TENT4B: variants seen among roughly 807,000 people sequenced by gnomAD.
TENT4B encodes the protein PAP associated domain containing 5.
In TENT4B, 10 loss-of-function variants were observed where a neutral mutation model predicts 75.0. The observed-to-expected ratio is 0.13, with a 90% confidence interval of 0.08 to 0.23. The LOEUF (loss-of-function observed/expected upper bound fraction) is 0.23, where lower values mean the gene tolerates loss of function less well. TENT4B is among the 10% of genes least tolerant of loss of function. The pLI is 1.00. For missense variants in TENT4B, 579 were observed against 893.8 expected, an observed-to-expected ratio of 0.65 and a Z score of 4.49; for synonymous variants, 350 against 357.7, an observed-to-expected ratio of 0.98 and a Z score of 0.24.
At chr16:50,196,313 C>G (rs1397950801) in intron 1 of TENT4B, among the ~76,000 whole-genome samples, 1 of 151,626 alleles carries the variant, frequency 6.6e-6, no homozygotes, top group African/African-American at 2.4e-5. Context: ...GTTTTGTTTG[C>G]TATTTATTTG....
At chr16:50,193,335 T>TG (rs1038341520) in intron 1 of TENT4B, among the ~76,000 whole-genome samples, 2 of 145,824 alleles carry the variant, frequency 1.4e-5, no homozygotes, top group African/African-American at 5.1e-5. Context: ...CCTGGAGTTT[T>TG]TTTTTTTTTT....
intron 2 of TENT4B, among the ~76,000 whole-genome samples, chr16:50,213,734 AT>A (rs1304455496): frequency 6.6e-6 from 1 of 152,258 alleles, no homozygotes; most frequent in African/African-American, 2.4e-5. Context: ...AACTATAAAA[AT>A]AACAATGTAC....
intron 1 of TENT4B, among the ~76,000 whole-genome samples, chr16:50,204,781 G>A (rs936721812): frequency 1.3e-4 from 20 of 152,170 alleles, no homozygotes; most frequent in African/African-American, 4.1e-4. Context: ...CTTGCAACGC[G>A]TTTGAGTATA....
chr16:50,190,472 A>G (rs8057842), intron 1 of TENT4B, among the ~76,000 whole-genome samples: 101,748 of 151,826 alleles, frequency 0.67, 36,055 homozygotes, highest in Non-Finnish European at 0.77. Context: ...TTCAGTCCTC[A>G]TGGCCCAATA....
intron 5 of TENT4B, among the ~76,000 whole-genome samples, chr16:50,218,613 A>G (rs906671476): frequency 2.0e-5 from 3 of 151,318 alleles, no homozygotes; most frequent in Non-Finnish European, 2.9e-5. Flanking sequence ...CGGCCTCCCA[A>G]AGTGCCCGGA....
At chr16:50,177,740 C>T (rs1254635537) in intron 1 of TENT4B, among the ~76,000 whole-genome samples, 1 of 151,894 alleles carries the variant, frequency 6.6e-6, no homozygotes, top group Non-Finnish European at 1.5e-5. Flanking sequence ...GATTTCTGCT[C>T]TAATTGGTTT....
In TENT4B at chr16:50,229,351, CT is replaced by C. The variant is rs775945684; in HGVS notation, c.*25del. The C allele has an allele frequency of 4.4e-6, 7 of 1,591,910 alleles. No homozygotes were observed. The African/African-American group carries it at 9.5e-5, about 22-fold the overall frequency. ...TAGTCAGCGCTGCGCGGTGGACTGT[CT>C]TCTCTGTGCAATGATCTCATGCTCA... is the stretch of plus-strand genomic sequence containing the variant. On this transcript the variant is annotated 3_prime_UTR_variant, in exon 12 of 12. Transcript: ENST00000561678.
intron 1 of TENT4B, among the ~76,000 whole-genome samples, chr16:50,179,468 A>G (rs143737873): frequency 6.6e-6 from 1 of 152,252 alleles, no homozygotes; most frequent in African/African-American, 2.4e-5. Context: ...GAACACACTA[A>G]TGTTCAGTTA....
At chr16:50,178,142 CTTTTTTTT>C (rs35008488) in intron 1 of TENT4B, among the ~76,000 whole-genome samples, 1 of 115,632 alleles carries the variant, frequency 8.6e-6, no homozygotes, top group Non-Finnish European at 1.7e-5. Flanking sequence ...AGGTGGTCTA[CTTTTTTTT>C]TTTTTTTTTT....
rs925090671 is a variant in TENT4B, at chr16:50,229,995, T to C, written c.*667T>C. On this transcript the variant is annotated 3_prime_UTR_variant, in exon 12 of 12. Coordinates refer to ENST00000561678, the MANE Select transcript of TENT4B (RefSeq NM_001365324.3). ...CATCCATATATAGGGAAGTGATTAG[T>C]TCTATTACTCAATTTGTTTTTCTCA... is the stretch of plus-strand genomic sequence containing the variant. 3.2e-5 allele frequency: 31 copies of C among 974,616 alleles called. No individual in the cohort carries two copies. In the African/African-American group the frequency reaches 5.3e-4, roughly 17 times the overall value. 60.4% of individuals were successfully genotyped at this position (974,616 alleles called of 1,614,324 possible).
At chr16:50,165,687 C>T (rs1400886620) in intron 1 of TENT4B, among the ~76,000 whole-genome samples, 1 of 152,164 alleles carries the variant, frequency 6.6e-6, no homozygotes, top group Non-Finnish European at 1.5e-5. Flanking sequence ...CAGTTTGTGG[C>T]CTTTTGTGCT....
Position 50,153,947 on chromosome 16 carries a change from C to T in TENT4B, c.326C>T (p.Thr109Ile), listed in dbSNP as rs2037832657. ...EQRDFLPLET[T>I]NNNNNHHQPG... is the part of the protein sequence containing the mutation. ...CGGGACTTCCTGCCCCTAGAGACGA[C>T]CAACAACAACAACAACCACCACCAG... The change falls in exon 1 of 12, where the codon ACC (threonine) becomes ATC (isoleucine). Residue 109 changes from threonine (T) to isoleucine (I), a missense_variant. Physicochemically the swap from Thr to Ile is moderately conservative, Grantham distance 89. Transcript: ENST00000561678. 10 of 1,533,500 alleles carry T rather than the reference C, an allele frequency of 6.5e-6. No individual in the cohort carries two copies. The highest frequency in any genetic ancestry group is 8.7e-6 in the Non-Finnish European group (10 of 1,145,970). The allele number at this position is 1,533,500 out of a possible 1,614,324, so 95.0% of individuals were successfully genotyped here. A position where few individuals can be genotyped will look rare whatever the true frequency, so the allele number is the denominator to read the frequency against.
intron 1 of TENT4B, among the ~76,000 whole-genome samples, chr16:50,170,105 G>GCAGT (rs985128718): frequency 2.0e-5 from 3 of 151,490 alleles, no homozygotes; most frequent in Admixed American, 6.6e-5. Flanking sequence ...AGGCTGGAGT[G>GCAGT]CAGTGGTGCA....
At chr16:50,163,784 T>C (rs2038045630) in intron 1 of TENT4B, among the ~76,000 whole-genome samples, 1 of 152,148 alleles carries the variant, frequency 6.6e-6, no homozygotes. Flanking sequence ...TGTTTTTCTT[T>C]TATCAATACG....
intron 1 of TENT4B, among the ~76,000 whole-genome samples, chr16:50,162,262 A>G (rs1487756641): frequency 1.3e-5 from 2 of 152,210 alleles, no homozygotes; most frequent in East Asian, 3.8e-4. Context: ...TAAAGCTGCT[A>G]TAAACATTCA....
rs767520193 is a variant in TENT4B at position 50,216,149 on chromosome 16, A to G, written c.884A>G (p.His295Arg). ...ACTCTGGAAGAAGCTCTTCGGAAAC[A>G]CAAAGTCGCAGATGAGGATTCGGTG... ...LWTLEEALRK[H>R]KVADEDSVKV... The change falls in exon 4 of 12, where the codon CAC (histidine) becomes CGC (arginine). Residue 295 changes from histidine (H) to arginine (R), a missense_variant. This residue lies in a region of TENT4B where 55 missense variants were observed against 77.1 expected (regional missense o/e 0.71). Transcript: ENST00000561678. 6.2e-7 allele frequency: 1 copy of G among 1,614,004 alleles called. No individual in the cohort carries two copies. Among genetic ancestry groups the G allele is most frequent in the South Asian group, 1.1e-5 (1 of 91,086 alleles).
chr16:50,154,881 G>A (rs1339377640), intron 1 of TENT4B, among the ~76,000 whole-genome samples: 2 of 152,154 alleles, frequency 1.3e-5, no homozygotes, highest in African/African-American at 4.8e-5. Flanking sequence ...TGTCACAGAT[G>A]CCCTGTCTAT....
intron 1 of TENT4B, among the ~76,000 whole-genome samples, chr16:50,200,973 GT>G (rs894850568): frequency 4.7e-5 from 7 of 150,346 alleles, no homozygotes; most frequent in Non-Finnish European, 1.0e-4. Context: ...ATTTAAAAGA[GT>G]TTTTTTTTGT....
Position 50,234,684 on chromosome 16 carries a change from C to T in TENT4B, c.*5356C>T. ...CTACAATCCTAAAATAAATCACAAG[C>T]TTGTTTGTTAGACGTGTCAAGAGTC... On this transcript the variant is annotated 3_prime_UTR_variant, in exon 12 of 12. Coordinates refer to ENST00000561678, the MANE Select transcript of TENT4B (RefSeq NM_001365324.3). 1.0e-6 allele frequency: 1 copy of T among 985,356 alleles called. No individual in the cohort carries two copies. Among genetic ancestry groups the T allele is most frequent in the Non-Finnish European group, 1.2e-6 (1 of 829,922 alleles). The allele number at this position is 985,356 out of a possible 1,614,324, so 61.0% of individuals were successfully genotyped here.
Sources: allele counts gnomAD v4.1 joint callset (sites outside exome capture counted in the v4.1 genomes callset), GRCh38; gene constraint gnomAD v4.1.1; regional missense constraint gnomAD v4.1.1; transcripts MANE v1.5; gene names NCBI Gene and HGNC (gene_info 2026-07-23, HGNC 2026-07-21).